C2orf80: variants seen among roughly 807,000 people sequenced by gnomAD.
The protein encoded by C2orf80 is uncharacterized protein C2orf80.
C2orf80 carries 28 observed loss-of-function variants against 30.2 expected under a neutral mutation model. The ratio of observed to expected loss-of-function variants is 0.93; its 90% confidence interval spans 0.69 to 1.27. The LOEUF is 1.27. Among genes scored for constraint, C2orf80 ranks in the 50% most tolerant of loss-of-function variants. The probability of loss-of-function intolerance (pLI) is 0.00; values close to 1 mark genes in which losing one functional copy is unlikely to be tolerated. For missense variants in C2orf80, 220 were observed against 231.0 expected, an observed-to-expected ratio of 0.95 and a Z score of 0.31; for synonymous variants, 80 against 76.4, an observed-to-expected ratio of 1.05 and a Z score of -0.24.
At chr2:208,170,824 C>T (rs1014347093) in intron 8 of C2orf80, 121 bp downstream of exon 8, 43 of 743,786 alleles carry the variant, frequency 5.8e-5, no homozygotes, top group Non-Finnish European at 8.9e-5. Context: ...GGTAAGCAGT[C>T]GGCTCTAGAT....
chr2:208,178,648 G>A (rs1032844019), intron 6 of C2orf80, among the ~76,000 whole-genome samples: 2 of 152,170 alleles, frequency 1.3e-5, no homozygotes, highest in Admixed American at 6.5e-5. Flanking sequence ...GTGTGGTGAT[G>A]CATGCCTGTA....
At chr2:208,182,202 C>T (rs555624480) in intron 4 of C2orf80, among the ~76,000 whole-genome samples, 1 of 152,316 alleles carries the variant, frequency 6.6e-6, no homozygotes, top group South Asian at 2.1e-4. Context: ...TCTGCCTGAA[C>T]ACTCCCTATA....
intron 1 of C2orf80, among the ~76,000 whole-genome samples, chr2:208,189,287 G>A (rs981224901): frequency 1.9e-4 from 29 of 152,072 alleles, no homozygotes; most frequent in African/African-American, 4.1e-4. Flanking sequence ...GCATTGCTTC[G>A]TTGTTATGAC....
intron 8 of C2orf80, among the ~76,000 whole-genome samples, chr2:208,167,378 C>T (rs997311411): frequency 4.0e-5 from 6 of 151,560 alleles, no homozygotes; most frequent in Non-Finnish European, 7.4e-5. Flanking sequence ...AAAAATTAGC[C>T]AGGTGTGGTG....
intron 6 of C2orf80, among the ~76,000 whole-genome samples, chr2:208,173,448 A>C (rs1313563047): frequency 2.0e-5 from 3 of 151,846 alleles, no homozygotes; most frequent in South Asian, 4.2e-4. Flanking sequence ...CACTGTGAAA[A>C]CCCGTGTCTA....
rs1695855943 is a variant in C2orf80 at position 208,165,512 on chromosome 2, G to A, written c.*295C>T. 3.3e-6 allele frequency: 1 copy of A among 303,612 alleles called. No individual in the cohort carries two copies. Among genetic ancestry groups the A allele is most frequent in the African/African-American group, 2.2e-5 (1 of 46,234 alleles). The allele number at this position is 303,612 out of a possible 1,614,324, so 18.8% of individuals were successfully genotyped here. ...TCAATGCCACACATTTGTAAAATGT[G>A]CTACAAAGCCAGCTTGCTCTAACAC... On this transcript the variant is annotated 3_prime_UTR_variant, in exon 9 of 9. Transcript: ENST00000341287.
At chr2:208,179,459 G>C (rs564630295) in intron 6 of C2orf80, among the ~76,000 whole-genome samples, 2 of 152,190 alleles carry the variant, frequency 1.3e-5, no homozygotes, top group Non-Finnish European at 2.9e-5. Flanking sequence ...GGTGGGGGCA[G>C]GGAAAGCCAC....
chr2:208,184,400 GGA>G (rs941373921), intron 3 of C2orf80, among the ~76,000 whole-genome samples: 5 of 152,310 alleles, frequency 3.3e-5, no homozygotes, highest in South Asian at 4.1e-4. Context: ...GGGAGTGGAG[GGA>G]GAGAGTCTTT....
At chr2:208,170,885 AG>A in intron 8 of C2orf80, 59 bp downstream of exon 8, 1 of 1,355,620 alleles carries the variant, frequency 7.4e-7, no homozygotes, top group East Asian at 2.3e-5. Context: ...CCACGGTATC[AG>A]GAAAGTACTC....
At chr2:208,178,513 G>C in intron 6 of C2orf80, among the ~76,000 whole-genome samples, 1 of 152,182 alleles carries the variant, frequency 6.6e-6, no homozygotes. Context: ...AGAGAGCTGA[G>C]CTTTCTTTGA....
intron 2 of C2orf80, 36 bp downstream of exon 2, chr2:208,186,910 G>C (rs1176730912): frequency 1.9e-6 from 3 of 1,579,666 alleles, no homozygotes; most frequent in Non-Finnish European, 2.6e-6. Flanking sequence ...CGAATGCCAA[G>C]TGTCATAAAT....
intron 8 of C2orf80, among the ~76,000 whole-genome samples, chr2:208,170,306 T>G (rs763742956): frequency 1.3e-5 from 2 of 152,186 alleles, no homozygotes; most frequent in Non-Finnish European, 2.9e-5. Context: ...TTAAATTTTC[T>G]CTTCACTTTG....
chr2:208,176,941 C>CTGTATACATA (rs1278851102), intron 6 of C2orf80, among the ~76,000 whole-genome samples: 2,054 of 30,142 alleles, frequency 0.068, 467 homozygotes, highest in African/African-American at 0.18. Flanking sequence ...GTATACATAT[C>CTGTATACATA]TGTATACATA....
At chr2:208,186,567 G>T (rs1696724093) in intron 2 of C2orf80, among the ~76,000 whole-genome samples, 1 of 152,200 alleles carries the variant, frequency 6.6e-6, no homozygotes, top group Admixed American at 6.5e-5. Flanking sequence ...AGCAGAGGCT[G>T]CAATTTAGAT....
chr2:208,176,271 G>A (rs1172150218), intron 6 of C2orf80, among the ~76,000 whole-genome samples: 1 of 152,044 alleles, frequency 6.6e-6, no homozygotes, highest in Non-Finnish European at 1.5e-5. Context: ...TGCCTCCTGG[G>A]TTCCAGCAAT....
chr2:208,167,773 G>A (rs996503281), intron 8 of C2orf80, among the ~76,000 whole-genome samples: 2 of 151,534 alleles, frequency 1.3e-5, no homozygotes, highest in Non-Finnish European at 2.9e-5. Flanking sequence ...GATGGGGTTT[G>A]CCATGTTGTT....
chr2:208,188,448 A>ATT (rs1177780286), intron 1 of C2orf80, among the ~76,000 whole-genome samples: 26 of 140,178 alleles, frequency 1.9e-4, no homozygotes, highest in African/African-American at 6.3e-4. Flanking sequence ...ATTATTTTGG[A>ATT]TTTTTTTTTT....
chr2:208,172,434 G>C (rs766362878), intron 6 of C2orf80, among the ~76,000 whole-genome samples: 33 of 152,010 alleles, frequency 2.2e-4, no homozygotes, highest in South Asian at 4.1e-4. Flanking sequence ...AATGTATCCT[G>C]ATGTCCTCCC....
At chr2:208,183,134 A>C in intron 3 of C2orf80, 87 bp from the exon 4 acceptor site, 1 of 995,882 alleles carries the variant, frequency 1.0e-6, no homozygotes, top group South Asian at 1.3e-5. Flanking sequence ...GGGACTGCTA[A>C]GCCTATTCTA....
Sources: allele counts gnomAD v4.1 joint callset (sites outside exome capture counted in the v4.1 genomes callset), GRCh38; gene constraint gnomAD v4.1.1; transcripts MANE v1.5; gene names NCBI Gene and HGNC (gene_info 2026-07-23, HGNC 2026-07-21).